Variants in WDR27 observed in about 807,000 individuals in gnomAD.
WDR27 encodes WD repeat domain 27.
In WDR27, 100 loss-of-function variants were observed where a neutral mutation model predicts 114.4. The ratio of observed to expected loss-of-function variants is 0.87; its 90% confidence interval spans 0.74 to 1.03. The LOEUF (loss-of-function observed/expected upper bound fraction) is 1.03, where lower values mean the gene tolerates loss of function less well. Among genes scored for constraint, WDR27 ranks in the 50% least tolerant of loss-of-function variants. The pLI is 0.00. For missense variants in WDR27, 1,129 were observed against 1,092.9 expected (o/e 1.03, Z -0.47); for synonymous variants, 449 against 423.1 (o/e 1.06, Z -0.75).
chr6:169,558,587 C>A (rs1408860942), intron 25 of WDR27: 2 of 152,100 alleles, frequency 1.3e-5, no homozygotes, highest in East Asian at 3.9e-4. Flanking sequence ...CACCTCCAGG[C>A]AACAGGATGA....
intron 25 of WDR27, among the ~76,000 whole-genome samples, chr6:169,522,515 A>G (rs925114269): frequency 1.3e-5 from 2 of 152,106 alleles, no homozygotes; most frequent in Admixed American, 6.5e-5. Flanking sequence ...TGCAGAATAC[A>G]TACTCCTTTC....
intron 24 of WDR27, 40 bp downstream of exon 24, chr6:169,582,796 T>A (rs775722085): frequency 2.7e-6 from 4 of 1,493,512 alleles, no homozygotes; most frequent in Non-Finnish European, 2.8e-6. Context: ...GTAAGACTTG[T>A]ATGCAGCAGA....
At chr6:169,489,247 C>T (rs1789395420) in intron 25 of WDR27, among the ~76,000 whole-genome samples, 2 of 152,220 alleles carry the variant, frequency 1.3e-5, no homozygotes, top group African/African-American at 4.8e-5. Flanking sequence ...TGCACACAGG[C>T]TGTAAGACGA....
chr6:169,448,818 C>T, the WDR27 span, among the ~76,000 whole-genome samples: 7 of 152,212 alleles, frequency 4.6e-5, no homozygotes, highest in Non-Finnish European at 8.8e-5. Flanking sequence ...GGGCACTTGT[C>T]CCACAGTGAG....
chr6:169,672,493 T>C (rs1779009440), intron 2 of WDR27, 97 bp from the exon 3 acceptor site: 2 of 1,229,692 alleles, frequency 1.6e-6, no homozygotes, highest in Admixed American at 6.0e-5. Context: ...AAGATTGAGT[T>C]TTTCAAATAC....
downstream of WDR27, among the ~76,000 whole-genome samples, chr6:169,452,570 AGAGAGGAGCCG>A (rs1562434326): frequency 9.3e-5 from 7 of 74,944 alleles, no homozygotes; most frequent in East Asian, 2.1e-3. Flanking sequence ...GCGTGGGGTC[AGAGAGGAGCCG>A]TGCGTGGGGT....
At chr6:169,700,362 G>A (rs1329048678) in intron 1 of WDR27, among the ~76,000 whole-genome samples, 2 of 152,216 alleles carry the variant, frequency 1.3e-5, no homozygotes, top group South Asian at 4.1e-4. Flanking sequence ...GTGGAGCAGA[G>A]ATCTGGTCAC....
chr6:169,456,210 T>C (rs76246499), downstream of WDR27, among the ~76,000 whole-genome samples: 208 of 152,334 alleles, frequency 1.4e-3, 7 homozygotes, highest in East Asian at 0.033. The surrounding 1 kb of genome is among the most constrained non-coding windows in gnomAD (Gnocchi z 4.0). Flanking sequence ...TGAGTTATTC[T>C]AAACTTTTGC....
chr6:169,662,376 A>G lies in WDR27; in HGVS notation c.953T>C (p.Val318Ala). ...STSALGKGEQVEVTFPVLRLA... is the reference protein window; with the variant it reads ...STSALGKGEQAEVTFPVLRLA... ...TCTCAGTACAGGAAATGTTACTTCAACCTGCTCTCCTTTTCCCAGAGCACT... is the reference window on the plus strand; with the variant it reads ...TCTCAGTACAGGAAATGTTACTTCAGCCTGCTCTCCTTTTCCCAGAGCACT... The change falls in exon 9 of 26, where the codon GTT becomes GCT. Residue 318 changes from valine to alanine, a missense_variant. Transcript: ENST00000448612. 6.2e-7 allele frequency: 1 copy of G among 1,614,052 alleles called. No individual in the cohort carries two copies. Among genetic ancestry groups the G allele is most frequent in the Non-Finnish European group, 8.5e-7 (1 of 1,179,886 alleles).
chr6:169,672,327 G>T lies in WDR27; in HGVS notation c.259C>A (p.Leu87Ile). The T allele has an allele frequency of 6.2e-7, 1 of 1,613,538 alleles. No homozygotes were observed. Among genetic ancestry groups the T allele is most frequent in the South Asian group, 1.1e-5 (1 of 90,986 alleles). ...MAFGNKVNPL[L>I]ICSASLDYVI... ...TAATCCAGTGATGCTGAGCAGATTAGAAGTGGGTTCACTTTATTTCCAAAA... is the reference window on the plus strand; with the variant it reads ...TAATCCAGTGATGCTGAGCAGATTATAAGTGGGTTCACTTTATTTCCAAAA... Residue 87 changes from leucine to isoleucine, a missense_variant, in exon 3 of 26, where the codon CTA becomes ATA. Leu to Ile is a conservative substitution (Grantham distance 5, BLOSUM62 2). Transcript: ENST00000448612.
chr6:169,521,921 A>G (rs920875157), intron 25 of WDR27, among the ~76,000 whole-genome samples: 15 of 151,976 alleles, frequency 9.9e-5, no homozygotes, highest in Non-Finnish European at 7.4e-5. Context: ...AAAACAAGCA[A>G]AGAGAGGGGT....
At chr6:169,613,402 C>T (rs1273518995) in intron 22 of WDR27, among the ~76,000 whole-genome samples, 157 bp downstream of exon 22, 1 of 152,212 alleles carries the variant, frequency 6.6e-6, no homozygotes. Context: ...TTCACCCTTC[C>T]AAAGTTAGAG....
chr6:169,427,904 C>A, the WDR27 span, among the ~76,000 whole-genome samples: 3 of 151,650 alleles, frequency 2.0e-5, no homozygotes, highest in African/African-American at 7.3e-5. Flanking sequence ...CATAAGGAAG[C>A]AAAGAGTCGT....
chr6:169,496,163 A>T (rs896121270), intron 25 of WDR27, among the ~76,000 whole-genome samples: 2 of 152,102 alleles, frequency 1.3e-5, no homozygotes, highest in Non-Finnish European at 2.9e-5. Context: ...GAATGGAAAA[A>T]ATGCATGATT....
chr6:169,586,509 T>C (rs1476267498), intron 23 of WDR27, among the ~76,000 whole-genome samples: 1 of 152,096 alleles, frequency 6.6e-6, no homozygotes, highest in Non-Finnish European at 1.5e-5. Flanking sequence ...CCTTTGGTGT[T>C]AAACTCATTG....
At chr6:169,564,429 A>G (rs1361070642) in intron 25 of WDR27, among the ~76,000 whole-genome samples, 3 of 152,348 alleles carry the variant, frequency 2.0e-5, no homozygotes, top group Non-Finnish European at 1.5e-5. Context: ...TGCGTCCTTC[A>G]ATCCAGTCAA....
the WDR27 span, among the ~76,000 whole-genome samples, chr6:169,430,521 A>C: frequency 6.6e-6 from 1 of 152,226 alleles, no homozygotes; most frequent in Non-Finnish European, 1.5e-5. Flanking sequence ...AAGTGCCGGA[A>C]ACCTAGTAGG....
rs765773723 is a variant in WDR27, at chr6:169,668,014, G to A, written c.628C>T (p.Leu210Phe). The change falls in exon 5 of 26, where the codon CTC (leucine) becomes TTC (phenylalanine). Residue 210 changes from leucine to phenylalanine, a missense_variant. Leu to Phe is a conservative substitution (Grantham distance 22). Coordinates refer to ENST00000448612, the MANE Select transcript of WDR27 (RefSeq NM_182552.5). ...CCTCTGTCCTCAGACGCCGAGATGA[G>A]GGTGCCTGCTCGCCAGGGACAGAAC... ...VEFCPWRAGT[L>F]ISASEDRGFK... 5 of 1,613,786 alleles carry A rather than the reference G, an allele frequency of 3.1e-6. No homozygotes were observed. The highest frequency in any genetic ancestry group is 1.3e-5 in the African/African-American group (1 of 74,938).
rs548633129 is a variant in WDR27 at position 169,600,016 on chromosome 6, T to G, written c.2424+2203A>C. ...CTTTATTTCTGCCTTCATTTCGTTA[T>G]GTACCCAGTAGTCATTCCGGAGCAG... On this transcript the variant is annotated intron_variant, in intron 23 of 25. Transcript: ENST00000448612. Among the ~76,000 whole-genome samples, 37 of 152,342 alleles carry G rather than the reference T, an allele frequency of 2.4e-4. 1 individual carries two copies. The East Asian group carries it at 6.7e-3, about 28-fold the overall frequency.
Sources: gnomAD v4.1 joint callset for allele counts (sites outside exome capture counted in the v4.1 genomes callset) on GRCh38, gnomAD v4.1.1 for gene constraint, Gnocchi (gnomAD v3.1) non-coding constraint, MANE v1.5 for transcripts, NCBI Gene and HGNC (gene_info 2026-07-23, HGNC 2026-07-21) for gene names.